Variants in BAHD1 observed in about 807,000 individuals in gnomAD.
The protein encoded by BAHD1 is bromo adjacent homology domain-containing 1 protein.
BAHD1 carries 20 observed loss-of-function variants against 63.1 expected under a neutral mutation model. That is an observed-to-expected ratio of 0.32 (90% CI 0.22 to 0.46). BAHD1 has a LOEUF of 0.46. BAHD1 is among the 20% of genes least tolerant of loss of function. The pLI is 1.00. For missense variants in BAHD1, 939 were observed against 1,071.8 expected, an observed-to-expected ratio of 0.88 and a Z score of 1.73; for synonymous variants, 408 against 426.8, an observed-to-expected ratio of 0.96 and a Z score of 0.54.
Position 40,459,794 on chromosome 15 carries a change from A to G in BAHD1, c.1330A>G (p.Thr444Ala). The G allele has an allele frequency of 8.7e-6, 14 of 1,613,692 alleles. No homozygotes were observed. Among genetic ancestry groups the G allele is most frequent in the South Asian group, 2.2e-5 (2 of 91,086 alleles). ...CTCTCGCTACTGCTCTAGCGAGGAC[A>G]CTGGAGTGAATGGCTACAGCATCTG... is the stretch of plus-strand genomic sequence containing the variant. ...GSSRYCSSED[T>A]GVNGYSICGV... Residue 444 changes from threonine (T) to alanine (A), a missense_variant, in exon 2 of 7, where the codon ACT becomes GCT. Transcript: ENST00000416165.
intron 2 of BAHD1, among the ~76,000 whole-genome samples, chr15:40,460,437 T>G (rs1894005293): frequency 6.6e-6 from 1 of 152,056 alleles, no homozygotes; most frequent in South Asian, 2.1e-4. Context: ...ATAGAGGCAT[T>G]GAAAGAGAAG....
chr15:40,447,794 A>G (rs1305217257), intron 1 of BAHD1, among the ~76,000 whole-genome samples: 1 of 152,058 alleles, frequency 6.6e-6, no homozygotes, highest in African/African-American at 2.4e-5. Context: ...GAGGCAGGGA[A>G]TTTCACCTGA....
chr15:40,459,656 A>G lies in BAHD1; in HGVS notation c.1192A>G (p.Met398Val), dbSNP rs755421064. 28 of 1,613,962 alleles carry G rather than the reference A, an allele frequency of 1.7e-5. No homozygotes were observed. The highest frequency in any genetic ancestry group is 2.3e-5 in the Non-Finnish European group (27 of 1,180,008). ...LQCGGYSPCP[M>V]LPEGKLSPVA... ...GTGTGGGGGCTACTCGCCCTGCCCC[A>G]TGCTTCCTGAGGGCAAGCTGTCCCC... The change falls in exon 2 of 7, where the codon ATG becomes GTG. Residue 398 changes from methionine to valine, a missense_variant. By Grantham distance (21) the Met-to-Val change is conservative. Coordinates refer to ENST00000416165, the MANE Select transcript of BAHD1 (RefSeq NM_014952.5).
chr15:40,456,010 T>C (rs560837331), intron 1 of BAHD1, among the ~76,000 whole-genome samples: 13 of 152,348 alleles, frequency 8.5e-5, no homozygotes, highest in African/African-American at 3.1e-4. Flanking sequence ...TCTCACTCTG[T>C]TGCCCAGGCT....
At chr15:40,459,943 G>A (rs766866689) in intron 2 of BAHD1, 47 bp downstream of exon 2, 1 of 1,519,374 alleles carries the variant, frequency 6.6e-7, no homozygotes, top group Admixed American at 2.0e-5. Flanking sequence ...TCGGAGACAT[G>A]GCATCCCAGG....
chr15:40,448,517 A>G (rs979549575), intron 1 of BAHD1, among the ~76,000 whole-genome samples: 2 of 150,734 alleles, frequency 1.3e-5, no homozygotes. Context: ...AGATGCCAGG[A>G]TGGCTCACCT....
At chr15:40,446,524 A>G (rs936659987) in intron 1 of BAHD1, among the ~76,000 whole-genome samples, 1 of 152,214 alleles carries the variant, frequency 6.6e-6, no homozygotes, top group African/African-American at 2.4e-5. Context: ...TGTCCCCCCA[A>G]CACAAAAAAA....
intron 5 of BAHD1, chr15:40,464,918 C>A (rs1454506700): frequency 1.1e-5 from 4 of 377,626 alleles, no homozygotes; most frequent in Non-Finnish European, 2.0e-5. Flanking sequence ...AGGAAAGACT[C>A]CTCCTAACAC....
At position 40,447,594 on chromosome 15, in the gene BAHD1, AT is replaced by A. The variant is rs1200588543; in HGVS notation, c.-15+6327del. 4.6e-4 allele frequency among the ~76,000 whole-genome samples: 66 copies of A among 143,614 alleles called. 2 individuals are homozygous for A. In the East Asian group the frequency reaches 0.013, roughly 29 times the overall value. The allele number at this position is 143,614 out of a possible 152,430, so 94.2% of individuals were successfully genotyped here. A position where few individuals can be genotyped will look rare whatever the true frequency, so the allele number is the denominator to read the frequency against. ...AATAAATAAATAAATAAATAAATAA[AT>A]AAATAAATAAATAAATAAAAATAAA... On this transcript the variant is annotated intron_variant, in intron 1 of 6. Transcript: ENST00000416165.
chr15:40,445,760 C>G (rs1430308972), intron 1 of BAHD1, among the ~76,000 whole-genome samples: 2 of 152,180 alleles, frequency 1.3e-5, no homozygotes, highest in African/African-American at 4.8e-5. Flanking sequence ...ATAAGCAGTA[C>G]TACCCCGACC....
chr15:40,441,672 G>T (rs1893405813), intron 1 of BAHD1, among the ~76,000 whole-genome samples: 1 of 147,412 alleles, frequency 6.8e-6, no homozygotes, highest in Non-Finnish European at 1.5e-5. Context: ...GTCTTTCCTC[G>T]CCGCGGCGGA....
intron 1 of BAHD1, among the ~76,000 whole-genome samples, chr15:40,445,191 A>G (rs912445332): frequency 1.3e-5 from 2 of 151,480 alleles, no homozygotes; most frequent in African/African-American, 4.9e-5. Flanking sequence ...CAAGAAACAG[A>G]GAAAATTTCT....
Position 40,458,675 on chromosome 15 carries a change from A to G in BAHD1, c.211A>G (p.Lys71Glu). ...PLVPEKPKAC[K>E]VLLTRLENVA... ...GGTTCCTGAGAAGCCCAAGGCCTGCAAAGTGCTGCTGACTCGCCTGGAGAA... is the reference window on the plus strand; with the variant it reads ...GGTTCCTGAGAAGCCCAAGGCCTGCGAAGTGCTGCTGACTCGCCTGGAGAA... Residue 71 changes from lysine to glutamate, a missense_variant, in exon 2 of 7, where the codon AAA (lysine) becomes GAA (glutamate). Physicochemically the swap from Lys to Glu is moderately conservative, Grantham distance 56. Around this residue, in one of 5 missense-constraint regions of BAHD1, gnomAD observed 797 missense variants for 813.3 expected, o/e 0.98. Transcript: ENST00000416165. This position sits in a 1 kb window ranked among gnomAD's most constrained non-coding sequence, Gnocchi z 4.7. The G allele has an allele frequency of 1.2e-6, 2 of 1,613,936 alleles. No individual in the cohort carries two copies. Among genetic ancestry groups the G allele is most frequent in the Non-Finnish European group, 8.5e-7 (1 of 1,179,990 alleles).
upstream of BAHD1, among the ~76,000 whole-genome samples, chr15:40,440,426 T>G (rs925152272): frequency 3.9e-5 from 6 of 151,940 alleles, no homozygotes; most frequent in African/African-American, 1.5e-4. Context: ...CGGCTGGTCT[T>G]CCTGAAGCTT....
intron 6 of BAHD1, 71 bp downstream of exon 6, chr15:40,465,506 G>T: frequency 1.7e-6 from 2 of 1,192,476 alleles, no homozygotes; most frequent in South Asian, 2.5e-5. Context: ...GGGCTGCTTG[G>T]AATTCCCCGA....
In BAHD1 at chr15:40,458,681, C is replaced by G. The variant is rs370119198; in HGVS notation, c.217C>G (p.Leu73Val). The G allele has an allele frequency of 1.9e-6, 3 of 1,613,794 alleles. No homozygotes were observed. The highest frequency in any genetic ancestry group is 2.5e-6 in the Non-Finnish European group (3 of 1,179,990). The change falls in exon 2 of 7, where the codon CTG (leucine) becomes GTG (valine). Residue 73 changes from leucine (L) to valine (V), a missense_variant. Around this residue, in one of 5 missense-constraint regions of BAHD1, gnomAD observed 797 missense variants for 813.3 expected, o/e 0.98. Coordinates refer to ENST00000416165, the MANE Select transcript of BAHD1 (RefSeq NM_014952.5). This position sits in a 1 kb window ranked among gnomAD's most constrained non-coding sequence, Gnocchi z 4.7. ...TGAGAAGCCCAAGGCCTGCAAAGTG[C>G]TGCTGACTCGCCTGGAGAATGTGGC... is the stretch of plus-strand genomic sequence containing the variant. ...VPEKPKACKV[L>V]LTRLENVAGP... is the part of the protein sequence containing the mutation.
At chr15:40,454,223 G>A (rs567178232) in intron 1 of BAHD1, 5 of 152,298 alleles carry the variant, frequency 3.3e-5, no homozygotes, top group South Asian at 4.1e-4. Context: ...CCAGCACCCC[G>A]TGCTCCCCTG....
intron 1 of BAHD1, among the ~76,000 whole-genome samples, chr15:40,452,082 C>A (rs1893721555): frequency 6.6e-6 from 1 of 152,246 alleles, no homozygotes; most frequent in East Asian, 1.9e-4. Context: ...TCCTCAGCCC[C>A]TGCCACCAGA....
intron 1 of BAHD1, among the ~76,000 whole-genome samples, chr15:40,456,635 A>G (rs950861720): frequency 6.6e-6 from 1 of 152,234 alleles, no homozygotes; most frequent in Non-Finnish European, 1.5e-5. Flanking sequence ...GACCCCACCC[A>G]CTGGCCCAAG....
Sources: gnomAD v4.1 joint callset for allele counts (sites outside exome capture counted in the v4.1 genomes callset) on GRCh38, gnomAD v4.1.1 for gene constraint, gnomAD v4.1.1 regional missense constraint, Gnocchi (gnomAD v3.1) non-coding constraint, MANE v1.5 for transcripts, NCBI Gene and HGNC (gene_info 2026-07-23, HGNC 2026-07-21) for gene names.